Variants in FGF14 observed in about 807,000 individuals in gnomAD.
FGF14 encodes the protein fibroblast growth factor homologous factor 4.
In FGF14, 5 loss-of-function variants were observed where a neutral mutation model predicts 25.5. That is an observed-to-expected ratio of 0.20 (90% CI 0.10 to 0.41). The LOEUF is 0.41. Ranked by LOEUF, FGF14 falls within the 10% of genes least tolerant of loss-of-function variation. The pLI is 1.00. For missense variants in FGF14, 222 were observed against 320.1 expected (o/e 0.69, Z 2.34); for synonymous variants, 138 against 118.3 (o/e 1.17, Z -1.08).
At chr13:101,892,966 C>A (rs1256724385) in intron 1 of FGF14, among the ~76,000 whole-genome samples, 1 of 152,110 alleles carries the variant, frequency 6.6e-6, no homozygotes, top group Non-Finnish European at 1.5e-5. Context: ...TTAAAGCAGG[C>A]AGTGGCAAGA....
At position 101,972,543 on chromosome 13, in the gene FGF14, G is replaced by T. The variant is rs527982091; in HGVS notation, c.209-97247C>A. On this transcript the variant is annotated intron_variant, in intron 1 of 4. Transcript: ENST00000376131. ...TTCAAAATATTTGGAATTGCAAGTG[G>T]CCTAAGAGATCATTGCCTCCAGGTT... Among the ~76,000 whole-genome samples the T allele has an allele frequency of 6.6e-5, 10 of 152,246 alleles. No homozygotes were observed. The South Asian group carries it at 1.7e-3, about 25-fold the overall frequency.
At chr13:102,183,595 T>C (rs2140767912) in intron 1 of FGF14, among the ~76,000 whole-genome samples, 1 of 152,286 alleles carries the variant, frequency 6.6e-6, no homozygotes, top group East Asian at 1.9e-4. Context: ...TGTTCCTCAA[T>C]GAACTCAGTC....
chr13:102,083,487 T>C (rs547192928), intron 1 of FGF14, among the ~76,000 whole-genome samples: 2 of 152,304 alleles, frequency 1.3e-5, no homozygotes, highest in East Asian at 1.9e-4. Context: ...GGTATAGCAT[T>C]AAATGACAGA....
intron 1 of FGF14, among the ~76,000 whole-genome samples, chr13:101,991,845 C>A (rs979119580): frequency 1.3e-5 from 2 of 152,058 alleles, no homozygotes; most frequent in Non-Finnish European, 2.9e-5. Context: ...TTACCTCCAG[C>A]AGCTTTGTGT....
intron 3 of FGF14, among the ~76,000 whole-genome samples, chr13:101,813,985 G>T (rs78802282): frequency 0.07 from 10,713 of 152,224 alleles, 1,279 homozygotes; most frequent in African/African-American, 0.25. Context: ...CATAACTAAA[G>T]AATTCATTCA....
intron 1 of FGF14, among the ~76,000 whole-genome samples, chr13:102,379,429 C>T (rs200033651): frequency 1.4e-5 from 2 of 142,404 alleles, no homozygotes; most frequent in African/African-American, 2.8e-5. Context: ...CACACACACA[C>T]ATATTTATAT....
At chr13:102,079,862 A>ATTATG (rs2043535258) in intron 1 of FGF14, among the ~76,000 whole-genome samples, 1 of 152,190 alleles carries the variant, frequency 6.6e-6, no homozygotes, top group African/African-American at 2.4e-5. Context: ...ACCTTTGAGC[A>ATTATG]AAGACCTAAA....
At chr13:102,192,928 G>A (rs1040049564) in intron 1 of FGF14, among the ~76,000 whole-genome samples, 136 of 151,960 alleles carry the variant, frequency 8.9e-4, no homozygotes, top group African/African-American at 2.9e-3. Flanking sequence ...TTCTTTCTGC[G>A]CCCTCACTCC....
At chr13:102,151,717 G>A (rs2047094297) in intron 1 of FGF14, among the ~76,000 whole-genome samples, 1 of 152,080 alleles carries the variant, frequency 6.6e-6, no homozygotes, top group African/African-American at 2.4e-5. Context: ...GGCAAGGCTG[G>A]TCTCGAACTG....
intron 1 of FGF14, among the ~76,000 whole-genome samples, chr13:101,884,468 G>T (rs557341196): frequency 6.6e-6 from 1 of 152,252 alleles, no homozygotes; most frequent in African/African-American, 2.4e-5. Flanking sequence ...ACACCAAGAT[G>T]GAACATAAAT....
At chr13:102,190,651 C>A (rs562465618) in intron 1 of FGF14, among the ~76,000 whole-genome samples, 1 of 151,982 alleles carries the variant, frequency 6.6e-6, no homozygotes, top group Non-Finnish European at 1.5e-5. Context: ...AGGAAGACAA[C>A]GAAAAGTCAA....
At chr13:102,250,308 T>G (rs2052105433) in intron 1 of FGF14, among the ~76,000 whole-genome samples, 1 of 152,212 alleles carries the variant, frequency 6.6e-6, no homozygotes, top group Non-Finnish European at 1.5e-5. Context: ...GTGAACCTCC[T>G]CTGACCTGGG....
intron 1 of FGF14, among the ~76,000 whole-genome samples, chr13:102,004,190 T>G (rs1284564994): frequency 5.3e-5 from 8 of 152,158 alleles, no homozygotes; most frequent in African/African-American, 1.9e-4. Context: ...TACGGTGACT[T>G]TAGGAGAGAG....
chr13:102,062,475 A>G (rs930206349), intron 1 of FGF14, among the ~76,000 whole-genome samples: 1 of 152,200 alleles, frequency 6.6e-6, no homozygotes, highest in Admixed American at 6.5e-5. Context: ...AAACTTCTCT[A>G]CACCATACTC....
intron 1 of FGF14, among the ~76,000 whole-genome samples, chr13:102,265,901 A>C (rs1477297500): frequency 6.6e-6 from 1 of 152,096 alleles, no homozygotes; most frequent in Non-Finnish European, 1.5e-5. Flanking sequence ...TGTAAAATAT[A>C]AGAAGAAAAA....
chr13:102,192,699 A>T (rs1204259444), intron 1 of FGF14, among the ~76,000 whole-genome samples: 1 of 152,100 alleles, frequency 6.6e-6, no homozygotes, highest in Non-Finnish European at 1.5e-5. Flanking sequence ...AAAAATATCA[A>T]TTTCACAAAA....
chr13:101,763,728 T>C (rs2038200051), intron 3 of FGF14, among the ~76,000 whole-genome samples: 1 of 152,088 alleles, frequency 6.6e-6, no homozygotes, highest in Non-Finnish European at 1.5e-5. Context: ...GGTGTGGTGA[T>C]GCACACCCGT....
chr13:102,208,854 C>G (rs555920339), intron 1 of FGF14, among the ~76,000 whole-genome samples: 2 of 152,178 alleles, frequency 1.3e-5, no homozygotes, highest in African/African-American at 2.4e-5. Flanking sequence ...ATAGATATTT[C>G]GTAACACAAA....
chr13:102,297,722 TAA>T (rs35977029), intron 1 of FGF14, among the ~76,000 whole-genome samples: 34 of 145,950 alleles, frequency 2.3e-4, no homozygotes, highest in Middle Eastern at 7.0e-3. Flanking sequence ...CCTACCTCTA[TAA>T]AAAAAAAAAA....
Sources: gnomAD v4.1 joint callset for allele counts (sites outside exome capture counted in the v4.1 genomes callset) on GRCh38, gnomAD v4.1.1 for gene constraint, MANE v1.5 for transcripts, NCBI Gene and HGNC (gene_info 2026-07-23, HGNC 2026-07-21) for gene names.